Variants in NOTCH2 observed in about 807,000 individuals in gnomAD.
NOTCH2 encodes the protein neurogenic locus notch homolog protein 2.
A neutral mutation model predicts 235.8 loss-of-function variants in NOTCH2; 29 were observed. The observed-to-expected ratio is 0.12, with a 90% confidence interval of 0.09 to 0.17. The LOEUF is 0.17. NOTCH2 is among the 10% of genes least tolerant of loss of function. NOTCH2 has a pLI of 1.00. For missense variants in NOTCH2, 2,285 were observed against 3,150.2 expected (o/e 0.73, Z 6.57); for synonymous variants, 1,086 against 1,141.5 (o/e 0.95, Z 0.98).
intron 24 of NOTCH2, among the ~76,000 whole-genome samples, chr1:119,926,038 T>G (rs1293894211): frequency 6.6e-6 from 1 of 152,176 alleles, no homozygotes; most frequent in African/African-American, 2.4e-5. Context: ...GTATAGCAAA[T>G]AGCTAAAATT....
intron 5 of NOTCH2, among the ~76,000 whole-genome samples, chr1:119,981,195 T>G (rs1557831714): frequency 6.6e-6 from 1 of 152,148 alleles, no homozygotes; most frequent in Non-Finnish European, 1.5e-5. Context: ...TCCCATCCAT[T>G]ACTCAGACTC....
intron 22 of NOTCH2, among the ~76,000 whole-genome samples, chr1:119,930,375 A>C (rs1557808956): frequency 6.6e-6 from 1 of 151,256 alleles, no homozygotes; most frequent in Admixed American, 6.6e-5. Context: ...AATTTATTGT[A>C]CTATAGATGT....
intron 14 of NOTCH2, among the ~76,000 whole-genome samples, chr1:119,952,885 G>GT (rs1553197955): frequency 2.6e-5 from 4 of 152,198 alleles, no homozygotes; most frequent in Non-Finnish European, 4.4e-5. Flanking sequence ...CTTAATTATA[G>GT]TAAGCATAAT....
At chr1:119,969,050 TA>T (rs1255063783) in intron 6 of NOTCH2, among the ~76,000 whole-genome samples, 3 of 152,248 alleles carry the variant, frequency 2.0e-5, no homozygotes, top group African/African-American at 7.2e-5. Flanking sequence ...TTGTAGCATG[TA>T]AAAATCTTCC....
chr1:119,951,686 G>A (rs1650480357), intron 14 of NOTCH2, among the ~76,000 whole-genome samples: 1 of 152,168 alleles, frequency 6.6e-6, no homozygotes, highest in African/African-American at 2.4e-5. Context: ...AAAATTAGTG[G>A]AGATAGCACA....
At chr1:120,060,325 TATTAAG>T (rs1458687996) in intron 1 of NOTCH2, among the ~76,000 whole-genome samples, 5 of 145,140 alleles carry the variant, frequency 3.4e-5, no homozygotes, top group African/African-American at 1.0e-4. Context: ...GAGAGAGGCA[TATTAAG>T]ATTAAGTAAT....
In NOTCH2 at chr1:119,931,190, A is replaced by AT. The variant is rs199759925; in HGVS notation, c.3656-1979dup. The stretch of plus-strand genomic sequence containing the variant: ...TGTAGCATACACTAACAAAAGCAAG[A>AT]TTTTTTTTTTTAAATGTAAAGTAAG... On this transcript the variant is annotated intron_variant, in intron 22 of 33. Transcript: ENST00000256646. Among the ~76,000 whole-genome samples, 231 of 148,894 alleles carry AT rather than the reference A, an allele frequency of 1.6e-3. No homozygotes were observed. The Middle Eastern group carries it at 0.018, about 11-fold the overall frequency.
intron 12 of NOTCH2, among the ~76,000 whole-genome samples, chr1:119,958,768 A>G (rs1650813885): frequency 6.6e-6 from 1 of 151,926 alleles, no homozygotes; most frequent in Non-Finnish European, 1.5e-5. Flanking sequence ...ATGTACACGC[A>G]CATGTGTGTA....
intron 15 of NOTCH2, chr1:119,950,501 C>T: frequency 5.9e-6 from 4 of 674,800 alleles, no homozygotes; most frequent in Non-Finnish European, 8.2e-6. Context: ...CTTTCAAATA[C>T]TAAAGTACAA....
rs987757552 is a variant in NOTCH2 at position 119,925,723 on chromosome 1, G to A, written c.4093C>T (p.Arg1365Cys). The change falls in exon 25 of 34, where the codon CGC (arginine) becomes TGC (cysteine). Residue 1365 changes from arginine to cysteine, a missense_variant. This residue lies in a region of NOTCH2 where 1,173 missense variants were observed against 1,515.3 expected (regional missense o/e 0.77). Coordinates refer to ENST00000256646, the MANE Select transcript of NOTCH2 (RefSeq NM_024408.4). ...TCCCGGGGACTGGGGCAGAAGCAGC[G>A]GGGTCCAGAGGCGGTGTGCACACAC... is the stretch of plus-strand genomic sequence containing the variant. ...EQCVHTASGP[R>C]CFCPSPRDCE... The A allele has an allele frequency of 8.7e-6, 14 of 1,613,388 alleles. No individual in the cohort carries two copies. Among genetic ancestry groups the A allele is most frequent in the African/African-American group, 1.3e-5 (1 of 74,922 alleles).
chr1:119,922,712 G>A lies in NOTCH2; in HGVS notation c.4926C>T (p.Asn1642=), dbSNP rs748722708. The change falls in exon 27 of 34, where the codon AAC becomes AAT. Residue 1642 remains asparagine, a synonymous_variant. Coordinates refer to ENST00000256646, the MANE Select transcript of NOTCH2 (RefSeq NM_024408.4). ...CCAGGAGAGCTGCTGCTGCATCCGT[G>A]TTCTTGAAGCAGTGGTCTGAGTCTT... The part of the protein sequence containing the change: ...CVQDSDHCFK[N]TDAAAALLAS... The A allele has an allele frequency of 1.2e-6, 2 of 1,614,198 alleles. No individual in the cohort carries two copies. Among genetic ancestry groups the A allele is most frequent in the African/African-American group, 1.3e-5 (1 of 75,060 alleles).
rs1472052953 is a variant in NOTCH2 at position 119,920,417 on chromosome 1, C to T, written c.5311-20G>A. On this transcript the variant is annotated intron_variant, in intron 29 of 33. Transcript: ENST00000256646. ...TTCAGCCTGAAAGGTGAAAACAATGCTCCCTATCAATCTGGCCACCACCAG... is the reference window on the plus strand; with the variant it reads ...TTCAGCCTGAAAGGTGAAAACAATGTTCCCTATCAATCTGGCCACCACCAG... The T allele has an allele frequency of 2.6e-5, 42 of 1,613,954 alleles. No individual in the cohort carries two copies. Among genetic ancestry groups the T allele is most frequent in the Non-Finnish European group, 3.5e-5 (41 of 1,179,932 alleles).
rs2101156315 is a variant in NOTCH2, at chr1:119,922,722, C to T, written c.4916G>A (p.Cys1639Tyr). The T allele has an allele frequency of 1.2e-6, 2 of 1,614,202 alleles. No individual in the cohort carries two copies. Among genetic ancestry groups the T allele is most frequent in the Middle Eastern group, 3.3e-4 (2 of 6,062 alleles). Residue 1639 changes from cysteine (C) to tyrosine (Y), a missense_variant, in exon 27 of 34, where the codon TGC becomes TAC. Cys to Tyr is a radical substitution (Grantham distance 194). Transcript: ENST00000256646. ...TGCTGCTGCATCCGTGTTCTTGAAGCAGTGGTCTGAGTCTTGAACACACTG... is the reference window on the plus strand; with the variant it reads ...TGCTGCTGCATCCGTGTTCTTGAAGTAGTGGTCTGAGTCTTGAACACACTG... ...NRQCVQDSDH[C>Y]FKNTDAAAAL...
intron 2 of NOTCH2, among the ~76,000 whole-genome samples, chr1:120,011,578 C>A (rs1653193510): frequency 1.3e-5 from 2 of 152,058 alleles, no homozygotes; most frequent in East Asian, 1.9e-4. Flanking sequence ...CCCGAAGTAA[C>A]TGAAAACATA....
At chr1:119,962,454 A>C (rs1650972983) in intron 11 of NOTCH2, among the ~76,000 whole-genome samples, 1 of 152,190 alleles carries the variant, frequency 6.6e-6, no homozygotes, top group African/African-American at 2.4e-5. Context: ...AGTTATCTAA[A>C]TGTGGGGAGG....
chr1:119,999,809 G>A (rs1276992575), intron 3 of NOTCH2, among the ~76,000 whole-genome samples: 1 of 151,830 alleles, frequency 6.6e-6, no homozygotes, highest in African/African-American at 2.4e-5. Context: ...TCGAACCCAA[G>A]AGGTGGAGGT....
chr1:120,047,639 G>A (rs868928379), intron 1 of NOTCH2, among the ~76,000 whole-genome samples: 3,990 of 138,746 alleles, frequency 0.029, 80 homozygotes, highest in African/African-American at 0.11. Context: ...AGCCAACATC[G>A]CACCACTGCC....
At chr1:119,997,845 G>A (rs1458292003) in intron 3 of NOTCH2, among the ~76,000 whole-genome samples, 33 of 139,610 alleles carry the variant, frequency 2.4e-4, no homozygotes, top group African/African-American at 9.1e-4. Flanking sequence ...ATGGTGGCGC[G>A]CACCTGTGAT....
chr1:119,915,111 T>A lies in NOTCH2; in HGVS notation c.*195A>T. The A allele has an allele frequency of 1.6e-6, 1 of 631,308 alleles. No homozygotes were observed. The highest frequency in any genetic ancestry group is 2.8e-5 in the East Asian group (1 of 36,176). The allele number at this position is 631,308 out of a possible 1,614,324, so 39.1% of individuals were successfully genotyped here. A position where few individuals can be genotyped will look rare whatever the true frequency, so the allele number is the denominator to read the frequency against. On this transcript the variant is annotated 3_prime_UTR_variant, in exon 34 of 34. Transcript: ENST00000256646. ...AACTTGTCTTATTAGATTAGAATAA[T>A]CAATAAGCCTTGCAGATACCCAGTG...
Sources: gnomAD v4.1 joint callset for allele counts (sites outside exome capture counted in the v4.1 genomes callset) on GRCh38, gnomAD v4.1.1 for gene constraint, gnomAD v4.1.1 regional missense constraint, MANE v1.5 for transcripts, NCBI Gene and HGNC (gene_info 2026-07-23, HGNC 2026-07-21) for gene names.